Variants in KCNN3 observed in about 807,000 individuals in gnomAD.
KCNN3 encodes potassium calcium-activated channel subfamily N member 3.
A neutral mutation model predicts 62.9 loss-of-function variants in KCNN3; 16 were observed. The observed-to-expected ratio is 0.25, with a 90% confidence interval of 0.17 to 0.39. The LOEUF is 0.39. KCNN3 is among the 10% of genes least tolerant of loss of function. The pLI, the probability that KCNN3 is intolerant of heterozygous loss-of-function variation, is 1.00. For missense variants in KCNN3, 599 were observed against 949.4 expected, an observed-to-expected ratio of 0.63 and a Z score of 4.85; for synonymous variants, 370 against 389.2, an observed-to-expected ratio of 0.95 and a Z score of 0.58.
At chr1:154,751,542 A>G (rs1647380339) in intron 3 of KCNN3, among the ~76,000 whole-genome samples, 1 of 152,180 alleles carries the variant, frequency 6.6e-6, no homozygotes, top group Admixed American at 6.5e-5. Context: ...CTCCTAACCC[A>G]AGGCTTTTCA....
At chr1:154,821,769 C>T in intron 2 of KCNN3, among the ~76,000 whole-genome samples, 1 of 152,224 alleles carries the variant, frequency 6.6e-6, no homozygotes, top group East Asian at 1.9e-4. Flanking sequence ...AGCAATGCAT[C>T]AGGGGCTCTC....
intron 5 of KCNN3, among the ~76,000 whole-genome samples, chr1:154,722,205 T>C (rs997782546): frequency 3.3e-5 from 5 of 152,144 alleles, no homozygotes; most frequent in Admixed American, 6.5e-5. Context: ...AATTCCTTTT[T>C]TCGTTTTGCG....
At chr1:154,818,666 G>C (rs950688648) in intron 2 of KCNN3, among the ~76,000 whole-genome samples, 5 of 152,214 alleles carry the variant, frequency 3.3e-5, no homozygotes, top group African/African-American at 1.2e-4. Context: ...TGGAAGCAGA[G>C]AGCAGCCCTC....
intron 1 of KCNN3, among the ~76,000 whole-genome samples, chr1:154,833,316 G>A (rs1377239827): frequency 2.6e-5 from 4 of 152,194 alleles, no homozygotes; most frequent in Non-Finnish European, 5.9e-5. Context: ...CACATATGGT[G>A]AGAAAAACAA....
chr1:154,841,150 G>A (rs1352461955), intron 1 of KCNN3, among the ~76,000 whole-genome samples: 1 of 152,196 alleles, frequency 6.6e-6, no homozygotes, highest in African/African-American at 2.4e-5. Context: ...GCCGCTGACA[G>A]CCCCCTTAGG....
At chr1:154,756,467 G>A (rs369946101) in intron 3 of KCNN3, among the ~76,000 whole-genome samples, 7 of 151,898 alleles carry the variant, frequency 4.6e-5, no homozygotes, top group African/African-American at 7.3e-5. Flanking sequence ...CCCCTTCTGC[G>A]GCTCAGTCCC....
chr1:154,720,624 A>C (rs1700326030), intron 5 of KCNN3, among the ~76,000 whole-genome samples: 2 of 152,234 alleles, frequency 1.3e-5, no homozygotes, highest in South Asian at 4.1e-4. Context: ...TATGCTTGTA[A>C]TTAAAGAAAA....
At chr1:154,802,879 T>C (rs958794109) in intron 2 of KCNN3, among the ~76,000 whole-genome samples, 1 of 152,160 alleles carries the variant, frequency 6.6e-6, no homozygotes, top group African/African-American at 2.4e-5. Context: ...GTTAGGCTCC[T>C]TTCCTGGCCA....
intron 3 of KCNN3, among the ~76,000 whole-genome samples, chr1:154,749,693 GAA>G (rs1647268699): frequency 3.3e-5 from 5 of 152,202 alleles, no homozygotes; most frequent in Admixed American, 6.5e-5. Context: ...GGAAGATAGA[GAA>G]AGAGAGGGAC....
chr1:154,800,803 G>C (rs1649923383), intron 2 of KCNN3, among the ~76,000 whole-genome samples: 1 of 152,172 alleles, frequency 6.6e-6, no homozygotes, highest in Non-Finnish European at 1.5e-5. Context: ...CCAGCACTTT[G>C]GGAGGCCAAG....
chr1:154,763,045 G>A (rs1648092839), intron 3 of KCNN3, among the ~76,000 whole-genome samples: 1 of 151,946 alleles, frequency 6.6e-6, no homozygotes, highest in African/African-American at 2.4e-5. Flanking sequence ...ATTACTTTCA[G>A]TTTTATAATA....
intron 2 of KCNN3, among the ~76,000 whole-genome samples, chr1:154,808,521 G>T (rs1199062092): frequency 1.3e-5 from 2 of 152,152 alleles, no homozygotes; most frequent in South Asian, 4.1e-4. Flanking sequence ...CAAGGCGTGT[G>T]TGTCTGCGTG....
At chr1:154,826,050 A>C (rs1447241943) in intron 1 of KCNN3, among the ~76,000 whole-genome samples, 2 of 70,082 alleles carry the variant, frequency 2.9e-5, no homozygotes, top group African/African-American at 1.9e-4. Flanking sequence ...CCATCTTAAA[A>C]AAAAACAAAA....
chr1:154,722,385 A>ATTT lies in KCNN3; in HGVS notation c.1701+3528_1701+3530dup, dbSNP rs11347024. On this transcript the variant is annotated intron_variant, in intron 5 of 7. Transcript: ENST00000271915. ...ATGTTATGAATAGACTGAGCTTAGC[A>ATTT]TTTTTTTTTTTTTTTTTTTTGAGAT... Among the ~76,000 whole-genome samples the ATTT allele has an allele frequency of 1.5e-3, 150 of 102,026 alleles. 4 individuals are homozygous for ATTT. The highest frequency in any genetic ancestry group is 5.1e-3 in the African/African-American group (138 of 27,192). 66.9% of individuals were successfully genotyped at this position (102,026 alleles called of 152,430 possible).
At chr1:154,795,014 A>G (rs1649670506) in intron 2 of KCNN3, among the ~76,000 whole-genome samples, 1 of 152,192 alleles carries the variant, frequency 6.6e-6, no homozygotes, top group Non-Finnish European at 1.5e-5. Flanking sequence ...TGGATTTCCC[A>G]TAGCTGGGTG....
chr1:154,760,129 C>T (rs1355920599), intron 3 of KCNN3, among the ~76,000 whole-genome samples: 1 of 152,026 alleles, frequency 6.6e-6, no homozygotes, highest in East Asian at 1.9e-4. Context: ...TCTCCTGCCT[C>T]AGTCTCCCGA....
At chr1:154,771,058 G>GATAAATAAATAAATAA (rs112864449) in intron 3 of KCNN3, among the ~76,000 whole-genome samples, 1 of 136,608 alleles carries the variant, frequency 7.3e-6, no homozygotes, top group Admixed American at 7.4e-5. Context: ...CTCCATCTCA[G>GATAAATAAATAAATAA]ATAAATAAAT....
At chr1:154,784,049 T>C (rs546541400) in intron 2 of KCNN3, among the ~76,000 whole-genome samples, 2 of 152,104 alleles carry the variant, frequency 1.3e-5, no homozygotes, top group Non-Finnish European at 2.9e-5. Context: ...GAAATGGAAG[T>C]TTCCAAGCCC....
In KCNN3 at chr1:154,869,090, A is replaced by T; in HGVS notation, c.875T>A (p.Met292Lys). 1 of 1,614,110 alleles carries T rather than the reference A, an allele frequency of 6.2e-7. No individual in the cohort carries two copies. The highest frequency in any genetic ancestry group is 8.5e-7 in the Non-Finnish European group (1 of 1,180,020). ...RLSDYALIFG[M>K]FGIVVMVIET... ...TATCACCATAACAACAATTCCAAAC[A>T]TCCCAAAAATCAGAGCATAGTCACT... Residue 292 changes from methionine to lysine, a missense_variant, in exon 1 of 8, where the codon ATG (methionine) becomes AAG (lysine). Met to Lys is a moderately conservative substitution (Grantham distance 95). Transcript: ENST00000271915. This position sits in a 1 kb window ranked among gnomAD's most constrained non-coding sequence, Gnocchi z 6.1.
Sources: gnomAD v4.1 joint callset for allele counts (sites outside exome capture counted in the v4.1 genomes callset) on GRCh38, gnomAD v4.1.1 for gene constraint, Gnocchi (gnomAD v3.1) non-coding constraint, MANE v1.5 for transcripts, NCBI Gene and HGNC (gene_info 2026-07-23, HGNC 2026-07-21) for gene names.